The following SLC35F3 variants were observed in gnomAD, a reference collection of about 807,000 sequenced individuals.
The protein encoded by SLC35F3 is putative thiamine transporter SLC35F3.
Under a neutral mutation model 49.9 loss-of-function variants are expected in SLC35F3, and 25 were observed. The ratio of observed to expected loss-of-function variants is 0.50; its 90% CI spans 0.37 to 0.70. The LOEUF (loss-of-function observed/expected upper bound fraction) is 0.70. Among genes scored for constraint, SLC35F3 ranks in the 30% least tolerant of loss-of-function variants. The pLI is 0.00. For synonymous variants in SLC35F3, 275 were observed against 265.4 expected (o/e 1.04, Z -0.35); for missense variants, 525 against 639.8 (o/e 0.82, Z 1.94).
chr1:234,296,886 T>C (rs1466255664), intron 3 of SLC35F3, among the ~76,000 whole-genome samples: 2 of 152,188 alleles, frequency 1.3e-5, no homozygotes, highest in Admixed American at 6.5e-5. Context: ...TCTCAGAAAC[T>C]AAAATTTCTT....
chr1:234,085,203 T>C (rs999507023), intron 2 of SLC35F3, among the ~76,000 whole-genome samples: 1 of 152,200 alleles, frequency 6.6e-6, no homozygotes, highest in African/African-American at 2.4e-5. Flanking sequence ...ATACTGAAGG[T>C]ATGTCTAAGC....
At chr1:234,003,084 A>G (rs922952286) in intron 2 of SLC35F3, among the ~76,000 whole-genome samples, 7 of 152,162 alleles carry the variant, frequency 4.6e-5, no homozygotes, top group African/African-American at 1.7e-4. Context: ...TTCCTGCCCC[A>G]GTCCTAGAAT....
rs145206247 is a variant in SLC35F3 at position 233,983,048 on chromosome 1, G to A, written c.283+77290G>A. 3.5e-3 allele frequency among the ~76,000 whole-genome samples: 527 copies of A among 152,280 alleles called. 4 individuals carry two copies. In the South Asian group the frequency reaches 0.041, roughly 12 times the overall value. On this transcript the variant is annotated intron_variant, in intron 2 of 7. Transcript: ENST00000366618. ...GAGCGCAGTTCCTGTAGCTCTCCAC[G>A]TGGCTGCACGTCATCCCCCTGCTCT...
chr1:234,140,002 A>AATAAAATAAAATAAAATAAATAAAAAAAT, intron 2 of SLC35F3, among the ~76,000 whole-genome samples: 2 of 105,368 alleles, frequency 1.9e-5, no homozygotes, highest in Non-Finnish European at 2.4e-5. Context: ...AATAAAATAA[A>AATAAAATAAAATAAAATAAATAAAAAAAT]GTAAGTGACT....
At chr1:234,307,543 C>G (rs997302257) in intron 3 of SLC35F3, among the ~76,000 whole-genome samples, 5 of 152,140 alleles carry the variant, frequency 3.3e-5, no homozygotes, top group African/African-American at 1.2e-4. Context: ...TTACCCAATC[C>G]CCTTTGACTC....
intron 2 of SLC35F3, among the ~76,000 whole-genome samples, chr1:233,924,117 T>C (rs6671921): frequency 0.28 from 42,348 of 152,130 alleles, 7,441 homozygotes; most frequent in Admixed American, 0.48. Context: ...TTTTTTGTTG[T>C]GTCTCTGCCA....
chr1:234,159,849 T>C (rs1256539901), intron 2 of SLC35F3, among the ~76,000 whole-genome samples: 1 of 152,198 alleles, frequency 6.6e-6, no homozygotes, highest in Non-Finnish European at 1.5e-5. Flanking sequence ...TACACAATCA[T>C]GGCAGAAATG....
chr1:233,967,890 T>G (rs1325569169), intron 2 of SLC35F3, among the ~76,000 whole-genome samples: 1 of 152,198 alleles, frequency 6.6e-6, no homozygotes, highest in African/African-American at 2.4e-5. Context: ...AAACAACCCA[T>G]GGCTCCAAAC....
At chr1:234,257,213 A>G (rs1194559913) in intron 3 of SLC35F3, among the ~76,000 whole-genome samples, 2 of 152,216 alleles carry the variant, frequency 1.3e-5, no homozygotes, top group Non-Finnish European at 2.9e-5. Flanking sequence ...ATCCTGAAGA[A>G]AATGATTTTT....
At chr1:234,042,273 T>G (rs1398742302) in intron 2 of SLC35F3, among the ~76,000 whole-genome samples, 1 of 142,266 alleles carries the variant, frequency 7.0e-6, no homozygotes, top group Non-Finnish European at 1.5e-5. Flanking sequence ...AGCATAGTTA[T>G]ATGAGAACAC....
chr1:233,921,986 G>A (rs1039201572), intron 2 of SLC35F3, among the ~76,000 whole-genome samples: 3 of 152,162 alleles, frequency 2.0e-5, no homozygotes, highest in African/African-American at 7.2e-5. Flanking sequence ...CCTTTTGTAT[G>A]GCTGCATAGT....
chr1:233,994,071 G>A (rs1663415874), intron 2 of SLC35F3, among the ~76,000 whole-genome samples: 1 of 152,180 alleles, frequency 6.6e-6, no homozygotes, highest in African/African-American at 2.4e-5. Context: ...TAGAGTCAAA[G>A]GCCAAGTTCC....
At chr1:233,924,562 G>T (rs1005671028) in intron 2 of SLC35F3, among the ~76,000 whole-genome samples, 2 of 150,284 alleles carry the variant, frequency 1.3e-5, no homozygotes, top group Admixed American at 1.3e-4. Context: ...TATCAATTTT[G>T]TTGATCTTTT....
intron 2 of SLC35F3, among the ~76,000 whole-genome samples, chr1:234,085,533 C>T (rs999745937): frequency 8.5e-5 from 13 of 152,132 alleles, no homozygotes; most frequent in African/African-American, 1.7e-4. Flanking sequence ...TGCATTTGCA[C>T]GAATATGGCA....
intron 3 of SLC35F3, among the ~76,000 whole-genome samples, chr1:234,266,880 T>TTG (rs1553259688): frequency 7.4e-5 from 11 of 148,698 alleles, no homozygotes; most frequent in Middle Eastern, 7.0e-3. Flanking sequence ...ATGGTTTTTT[T>TTG]TTTTTTTTTT....
At position 234,214,501 on chromosome 1, in the gene SLC35F3, G is replaced by A. The variant is rs1411161625; in HGVS notation, c.284-16916G>A. The A allele has an allele frequency of 6.5e-7, 1 of 1,537,296 alleles. No individual in the cohort carries two copies. Among genetic ancestry groups the A allele is most frequent in the East Asian group, 2.6e-5 (1 of 38,102 alleles). ...CTCCTGCAGGCGGCCGGCTCATCAT[G>A]AAGAAGCACTCGGCCCGGGTGGCCC... On this transcript the variant is annotated intron_variant, in intron 2 of 7. Transcript: ENST00000366618. This position sits in a 1 kb window ranked among gnomAD's most constrained non-coding sequence, Gnocchi z 8.0.
chr1:234,023,899 C>T (rs1472430466), intron 2 of SLC35F3, among the ~76,000 whole-genome samples: 1 of 151,806 alleles, frequency 6.6e-6, no homozygotes, highest in East Asian at 1.9e-4. Context: ...CTGTTAAGGC[C>T]CTTGAAACCA....
At chr1:234,126,964 T>C (rs1665657914) in intron 2 of SLC35F3, among the ~76,000 whole-genome samples, 1 of 152,238 alleles carries the variant, frequency 6.6e-6, no homozygotes, top group Non-Finnish European at 1.5e-5. Flanking sequence ...CCCAAAGCAC[T>C]GGGATTACAG....
intron 2 of SLC35F3, among the ~76,000 whole-genome samples, chr1:233,914,834 G>A (rs755810917): frequency 4.6e-5 from 7 of 152,196 alleles, no homozygotes; most frequent in Non-Finnish European, 7.3e-5. Flanking sequence ...CAGGGAACCA[G>A]TTTTGTTTCA....
Sources: gnomAD v4.1 joint callset for allele counts (sites outside exome capture counted in the v4.1 genomes callset) on GRCh38, gnomAD v4.1.1 for gene constraint, Gnocchi (gnomAD v3.1) non-coding constraint, MANE v1.5 for transcripts, NCBI Gene and HGNC (gene_info 2026-07-23, HGNC 2026-07-21) for gene names.